Variants in EXOC4 observed in about 807,000 individuals in gnomAD.
The protein encoded by EXOC4 is exocyst complex component 4.
In EXOC4, 71 loss-of-function variants were observed where a neutral mutation model predicts 107.2. The observed-to-expected ratio is 0.66, with a 90% CI of 0.55 to 0.81. The LOEUF (loss-of-function observed/expected upper bound fraction) is 0.81, where lower values mean the gene tolerates loss of function less well. Ranked by LOEUF, EXOC4 falls within the 30% of genes least tolerant of loss-of-function variation. EXOC4 has a pLI of 0.00. For missense variants in EXOC4, 1,108 were observed against 1,189.6 expected (o/e 0.93, Z 1.01); for synonymous variants, 456 against 441.2 (o/e 1.03, Z -0.42).
At chr7:133,778,358 G>T (rs931302851) in intron 10 of EXOC4, among the ~76,000 whole-genome samples, 9 of 152,208 alleles carry the variant, frequency 5.9e-5, no homozygotes, top group Non-Finnish European at 1.3e-4. Flanking sequence ...CCAGAAGAGA[G>T]ACAGGAGGAT....
chr7:133,956,403 A>G (rs1055295378), intron 14 of EXOC4, among the ~76,000 whole-genome samples: 2 of 152,314 alleles, frequency 1.3e-5, no homozygotes, highest in Non-Finnish European at 2.9e-5. Context: ...AATCATTGCA[A>G]AGTGAAGCAT....
intron 4 of EXOC4, among the ~76,000 whole-genome samples, chr7:133,316,451 G>A (rs1200178321): frequency 1.3e-5 from 2 of 152,162 alleles, no homozygotes; most frequent in African/African-American, 2.4e-5. Context: ...TGTAGATAGT[G>A]TGCGAGATGA....
At position 133,356,442 on chromosome 7, in the gene EXOC4, C is replaced by T. The variant is rs35224977; in HGVS notation, c.876C>T (p.Ile292=). The part of the protein sequence containing the change: ...LIKGLAKLKK[I]PETVKAIIER... ...AGGGCTTGGCGAAACTGAAGAAGAT[C>T]CCAGAAACAGTTAAGGCAATCATAG... The change falls in exon 6 of 18, where the codon ATC becomes ATT. Residue 292 remains isoleucine, a synonymous_variant. Coordinates refer to ENST00000253861, the MANE Select transcript of EXOC4 (RefSeq NM_021807.4). The T allele has an allele frequency of 5.9e-4, 954 of 1,614,088 alleles. 4 individuals are homozygous for T. In the African/African-American group the frequency reaches 0.011, roughly 19 times the overall value.
intron 9 of EXOC4, among the ~76,000 whole-genome samples, chr7:133,620,489 T>G (rs1271620678): frequency 6.6e-6 from 1 of 152,166 alleles, no homozygotes; most frequent in Non-Finnish European, 1.5e-5. Flanking sequence ...GAAACATACA[T>G]CCACACAAAA....
chr7:133,747,294 T>TG (rs1218653053), intron 10 of EXOC4, among the ~76,000 whole-genome samples: 1 of 152,162 alleles, frequency 6.6e-6, no homozygotes, highest in Admixed American at 6.6e-5. Flanking sequence ...TGGAAAGTAT[T>TG]GCAGCGAACA....
intron 14 of EXOC4, among the ~76,000 whole-genome samples, chr7:133,964,444 C>T (rs1801016663): frequency 6.6e-6 from 1 of 152,106 alleles, no homozygotes; most frequent in Non-Finnish European, 1.5e-5. Context: ...CGGTCATCTA[C>T]ATTAGGTATT....
At chr7:133,887,963 A>G (rs1799122600) in intron 11 of EXOC4, among the ~76,000 whole-genome samples, 1 of 152,178 alleles carries the variant, frequency 6.6e-6, no homozygotes, top group East Asian at 1.9e-4. Context: ...CAGTGCTTTA[A>G]TCTCAAAATC....
intron 7 of EXOC4, among the ~76,000 whole-genome samples, chr7:133,428,006 G>A (rs747427934): frequency 1.3e-5 from 2 of 152,190 alleles, no homozygotes; most frequent in Admixed American, 6.5e-5. Flanking sequence ...ATGCTTTCAA[G>A]AGTTTGAGAA....
chr7:133,444,272 G>T (rs1042575651), intron 7 of EXOC4, among the ~76,000 whole-genome samples: 1 of 152,158 alleles, frequency 6.6e-6, no homozygotes, highest in Non-Finnish European at 1.5e-5. Flanking sequence ...CAGAGCACAG[G>T]GTAGCAAGTG....
intron 14 of EXOC4, among the ~76,000 whole-genome samples, chr7:133,964,274 A>C (rs1416599304): frequency 6.6e-6 from 1 of 152,130 alleles, no homozygotes; most frequent in African/African-American, 2.4e-5. Flanking sequence ...TTATATTGCA[A>C]AACAAAGCCA....
At chr7:133,620,961 A>G (rs1005760377) in intron 9 of EXOC4, among the ~76,000 whole-genome samples, 7 of 152,212 alleles carry the variant, frequency 4.6e-5, no homozygotes, top group Admixed American at 4.6e-4. Context: ...TTGATCAACC[A>G]TTTAAAAATA....
chr7:134,073,071 T>G, the EXOC4 span, among the ~76,000 whole-genome samples: 4,157 of 151,538 alleles, frequency 0.027, 172 homozygotes, highest in African/African-American at 0.089. Context: ...CCGGGCATAG[T>G]GGCGGGTGCT....
intron 10 of EXOC4, among the ~76,000 whole-genome samples, chr7:133,740,789 G>A (rs1005534030): frequency 1.3e-5 from 2 of 152,144 alleles, no homozygotes; most frequent in African/African-American, 4.8e-5. Context: ...TGATCCTCTA[G>A]GAATGATGGC....
intron 9 of EXOC4, among the ~76,000 whole-genome samples, chr7:133,543,297 T>C (rs999620590): frequency 6.6e-6 from 1 of 152,188 alleles, no homozygotes; most frequent in Non-Finnish European, 1.5e-5. Context: ...TTATTTAAGC[T>C]AATTCAAGCA....
At chr7:133,524,615 G>A (rs577835068) in intron 9 of EXOC4, among the ~76,000 whole-genome samples, 21 of 150,756 alleles carry the variant, frequency 1.4e-4, no homozygotes, top group Non-Finnish European at 2.4e-4. Context: ...ATTGATTTTT[G>A]TATAAGGTGT....
chr7:133,962,311 GTAGTT>G (rs1215930790), intron 14 of EXOC4, among the ~76,000 whole-genome samples: 1 of 152,172 alleles, frequency 6.6e-6, no homozygotes, highest in African/African-American at 2.4e-5. Flanking sequence ...TCTTGTTAGT[GTAGTT>G]TAATTTCCTG....
chr7:133,570,158 A>C (rs912144117), intron 9 of EXOC4, among the ~76,000 whole-genome samples: 2 of 152,218 alleles, frequency 1.3e-5, no homozygotes, highest in African/African-American at 2.4e-5. Flanking sequence ...TAGTTGGCAC[A>C]GTGTCAATAT....
At chr7:133,536,328 T>C (rs1203771701) in intron 9 of EXOC4, among the ~76,000 whole-genome samples, 1 of 152,094 alleles carries the variant, frequency 6.6e-6, no homozygotes, top group East Asian at 1.9e-4. Context: ...TGCCCCTCCC[T>C]CCTCCTCTTT....
At position 133,882,969 on chromosome 7, in the gene EXOC4, G is replaced by C. The variant is rs375126898; in HGVS notation, c.1735-12630G>C. 1.2e-3 allele frequency among the ~76,000 whole-genome samples: 188 copies of C among 152,266 alleles called. 1 individual carries two copies. Among genetic ancestry groups the C allele is most frequent in the Middle Eastern group, 3.4e-3 (1 of 294 alleles). On this transcript the variant is annotated intron_variant, in intron 11 of 17. Coordinates refer to ENST00000253861, the MANE Select transcript of EXOC4 (RefSeq NM_021807.4). ...GAAGTGCGTAAATCTTAAGCACAAA[G>C]AATTTTTCCATACATTTTTACTAAC... is the stretch of plus-strand genomic sequence containing the variant.
Sources: allele counts gnomAD v4.1 joint callset (sites outside exome capture counted in the v4.1 genomes callset), GRCh38; gene constraint gnomAD v4.1.1; transcripts MANE v1.5; gene names NCBI Gene and HGNC (gene_info 2026-07-23, HGNC 2026-07-21).